Variants in PMEL observed in about 807,000 individuals in gnomAD.
PMEL encodes the protein premelanosome protein.
A neutral mutation model predicts 64.9 loss-of-function variants in PMEL; 53 were observed. The observed-to-expected ratio is 0.82, with a 90% confidence interval of 0.66 to 1.03. PMEL has a LOEUF of 1.03. PMEL is among the 50% of genes least tolerant of loss of function. The pLI is 0.00. For missense variants in PMEL, 716 were observed against 814.9 expected, an observed-to-expected ratio of 0.88 and a Z score of 1.48; for synonymous variants, 299 against 316.2, an observed-to-expected ratio of 0.95 and a Z score of 0.58.
intron 1 of PMEL, among the ~76,000 whole-genome samples, chr12:55,962,633 C>T (rs1429289723): frequency 1.4e-5 from 2 of 140,636 alleles, no homozygotes; most frequent in Non-Finnish European, 1.5e-5. Flanking sequence ...AAGCAATTCT[C>T]GTTCCTCAGC....
intron 1 of PMEL, among the ~76,000 whole-genome samples, chr12:55,964,283 C>T (rs1331535077): frequency 6.6e-6 from 1 of 151,928 alleles, no homozygotes; most frequent in East Asian, 1.9e-4. Context: ...GCCTCAGCCT[C>T]CTGAGTGGCT....
chr12:55,964,662 G>A (rs1269306739), intron 1 of PMEL, among the ~76,000 whole-genome samples: 1 of 151,868 alleles, frequency 6.6e-6, no homozygotes, highest in Non-Finnish European at 1.5e-5. Flanking sequence ...GAGTCTTGCT[G>A]TTGCCCAGGC....
At position 55,965,869 on chromosome 12, in the gene PMEL, A is replaced by G; in HGVS notation, c.76+67T>C. 6 of 1,596,712 alleles carry G rather than the reference A, an allele frequency of 3.8e-6. No homozygotes were observed. The South Asian group carries it at 6.6e-5, about 18-fold the overall frequency. ...TGCCGCTATCTCCCATTAGGAGGAC[A>G]GAAACCAGAGCAGGGGGAATTCATC... is the stretch of plus-strand genomic sequence containing the variant. On this transcript the variant is annotated intron_variant, in intron 1 of 10. Coordinates refer to ENST00000548747, the MANE Select transcript of PMEL (RefSeq NM_001384361.1).
rs752214762 is a variant in PMEL, at chr12:55,955,817, C to T, written c.1518G>A (p.Glu506=). Residue 506 remains glutamate (E), a synonymous_variant, in exon 8 of 11, where the codon GAG becomes GAA. Transcript: ENST00000548747. The stretch of plus-strand genomic sequence containing the variant: ...ACACAGTCAGCTCAAATGCATCCCC[C>T]TCACCGGACGGCACAGCCTGCAGGA... The part of the protein sequence containing the change: ...AEILQAVPSG[E]GDAFELTVSC... The T allele has an allele frequency of 8.7e-6, 14 of 1,614,054 alleles. No individual in the cohort carries two copies. The highest frequency in any genetic ancestry group is 1.0e-5 in the Non-Finnish European group (12 of 1,180,022).
chr12:55,962,514 C>T (rs1274496770), intron 1 of PMEL, among the ~76,000 whole-genome samples: 2 of 117,434 alleles, frequency 1.7e-5, no homozygotes, highest in Non-Finnish European at 1.8e-5. Flanking sequence ...TTTATTATTA[C>T]TCTTTTTTTT....
upstream of PMEL, chr12:55,966,278 C>G (rs1241693594): frequency 1.8e-6 from 1 of 544,142 alleles, no homozygotes; most frequent in Non-Finnish European, 3.3e-6. Context: ...TGAAAGGCAG[C>G]TGCGTAACAC....
chr12:55,966,142 G>A, upstream of PMEL: 2 of 1,422,070 alleles, frequency 1.4e-6, no homozygotes, highest in Non-Finnish European at 1.9e-6. Flanking sequence ...CGGAGGAGAG[G>A]AAAAAGGAAA....
At chr12:55,955,127 A>T (rs1323667837) in intron 10 of PMEL, 147 bp downstream of exon 10, 2 of 729,240 alleles carry the variant, frequency 2.7e-6, no homozygotes, top group Admixed American at 3.9e-5. Context: ...CAAGACTGCA[A>T]CCCAAGTCTG....
chr12:55,958,565 G>A lies in PMEL; in HGVS notation c.377C>T (p.Thr126Ile). The change falls in exon 4 of 11, where the codon ACT becomes ATT. Residue 126 changes from threonine to isoleucine, a missense_variant. By Grantham distance (89) the Thr-to-Ile change is moderately conservative. Transcript: ENST00000548747. ...WGGQPVYPQE[T>I]DDACIFPDGG... ...ATCAGGGAAGATGCAGGCATCGTCAGTTTCCTGGGGATACACTGGCTGTCC... is the reference window on the plus strand; with the variant it reads ...ATCAGGGAAGATGCAGGCATCGTCAATTTCCTGGGGATACACTGGCTGTCC... 1.9e-6 allele frequency: 3 copies of A among 1,614,144 alleles called. No homozygotes were observed. The highest frequency in any genetic ancestry group is 2.5e-6 in the Non-Finnish European group (3 of 1,179,978).
Position 55,957,561 on chromosome 12 carries a change from T to C in PMEL, c.742A>G (p.Ser248Gly), listed in dbSNP as rs1888937380. The C allele has an allele frequency of 6.2e-7, 1 of 1,613,110 alleles. No homozygotes were observed. Residue 248 changes from serine to glycine, a missense_variant, in exon 6 of 11, where the codon AGT becomes GGT. By Grantham distance (56) the Ser-to-Gly change is moderately conservative. Coordinates refer to ENST00000548747, the MANE Select transcript of PMEL (RefSeq NM_001384361.1). Reference protein sequence around the residue: ...LTFALQLHDPSGYLAEADLSY... With the variant: ...LTFALQLHDPGGYLAEADLSY... ...AGGTCAGCTTCAGCCAGATAGCCAC[T>C]GGGGTCATGGAGCTGGAGGGCAAAG...
At position 55,957,119 on chromosome 12, in the gene PMEL, G is replaced by A; in HGVS notation, c.1184C>T (p.Pro395Leu). Residue 395 changes from proline (P) to leucine (L), a missense_variant, in exon 6 of 11, where the codon CCA (proline) becomes CTA (leucine). Physicochemically the swap from Pro to Leu is moderately conservative, Grantham distance 98. Coordinates refer to ENST00000548747, the MANE Select transcript of PMEL (RefSeq NM_001384361.1). ...TGCAGGTGTCATACCTGTAGCCTCT[G>A]GAGTTGACATCTCTGCCAGTGTGGT... is the stretch of plus-strand genomic sequence containing the variant. ...MGTTLAEMSTPEATGMTPAEV... is the reference protein window; with the variant it reads ...MGTTLAEMSTLEATGMTPAEV... 6.2e-7 allele frequency: 1 copy of A among 1,614,182 alleles called. No homozygotes were observed. Among genetic ancestry groups the A allele is most frequent in the Non-Finnish European group, 8.5e-7 (1 of 1,180,028 alleles).
In PMEL at chr12:55,964,896, C is replaced by A. The variant is rs1419976650; in HGVS notation, c.76+1040G>T. Among the ~76,000 whole-genome samples the A allele has an allele frequency of 2.0e-5, 3 of 149,496 alleles. No homozygotes were observed. The Admixed American group carries it at 2.0e-4, about 10-fold the overall frequency. ...CCTCTCAAAGTGCTAGGATTACAGGCATGAGTTACTGTGCCGGGCCTCATC... is the reference window on the plus strand; with the variant it reads ...CCTCTCAAAGTGCTAGGATTACAGGAATGAGTTACTGTGCCGGGCCTCATC... On this transcript the variant is annotated intron_variant, in intron 1 of 10. Transcript: ENST00000548747.
At chr12:55,954,509 G>A (rs1019105006) in intron 10 of PMEL, among the ~76,000 whole-genome samples, 160 bp from the exon 11 acceptor site, 8 of 152,102 alleles carry the variant, frequency 5.3e-5, no homozygotes, top group African/African-American at 1.9e-4. Context: ...TCTTATTTCT[G>A]TGGTAACCTC....
intron 8 of PMEL, 33 bp from the exon 9 acceptor site, chr12:55,955,702 TG>T (rs1888849101): frequency 3.1e-6 from 5 of 1,611,258 alleles, no homozygotes; most frequent in Non-Finnish European, 4.2e-6. Context: ...TAAGGGGATC[TG>T]GGAAGGGACA....
chr12:55,964,649 A>G (rs937016920), intron 1 of PMEL, among the ~76,000 whole-genome samples: 1 of 150,936 alleles, frequency 6.6e-6, no homozygotes, highest in Non-Finnish European at 1.5e-5. Flanking sequence ...TTTTTTTGAG[A>G]CAGAGTCTTG....
rs779443483 is a variant in PMEL at position 55,961,622 on chromosome 12, C to T, written c.187G>A (p.Gly63Ser). ...TCCCCTGGAACTTCCAAGTTCCTAC[C>T]TCTCCAGCAGTCAAGTCTCTGGGCT... Reference protein sequence around the residue: ...TEAQRLDCWRGGQVSLKVSND... With the variant: ...TEAQRLDCWRSGQVSLKVSND... The change falls in exon 2 of 11, where the codon GGT becomes AGT. Residue 63 changes from glycine to serine, a missense_variant and splice_region_variant. By Grantham distance (56) the Gly-to-Ser change is moderately conservative. Coordinates refer to ENST00000548747, the MANE Select transcript of PMEL (RefSeq NM_001384361.1). 4.3e-6 allele frequency: 7 copies of T among 1,612,548 alleles called. No homozygotes were observed. In the East Asian group the frequency reaches 1.3e-4, roughly 31 times the overall value.
At chr12:55,962,965 A>G (rs1054645605) in intron 1 of PMEL, among the ~76,000 whole-genome samples, 1 of 151,916 alleles carries the variant, frequency 6.6e-6, no homozygotes, top group Non-Finnish European at 1.5e-5. Flanking sequence ...GTTCGAGACC[A>G]GCCTGGCCAA....
chr12:55,957,883 C>G (rs1051989305), intron 5 of PMEL, 40 bp downstream of exon 5: 7 of 1,609,190 alleles, frequency 4.4e-6, no homozygotes, highest in Non-Finnish European at 5.9e-6. Context: ...CCTGCCTTCT[C>G]TTGCCCTACA....
intron 4 of PMEL, 122 bp from the exon 5 acceptor site, chr12:55,958,206 T>C: frequency 1.8e-6 from 2 of 1,085,772 alleles, no homozygotes; most frequent in South Asian, 3.1e-5. Flanking sequence ...CTGAGGGTGT[T>C]TGGAAGGCTG....
Sources: allele counts gnomAD v4.1 joint callset (sites outside exome capture counted in the v4.1 genomes callset), GRCh38; gene constraint gnomAD v4.1.1; transcripts MANE v1.5; gene names NCBI Gene and HGNC (gene_info 2026-07-23, HGNC 2026-07-21).